ELMOD1: variants seen among roughly 807,000 people sequenced by gnomAD.
The protein encoded by ELMOD1 is ELMO domain containing 1.
A neutral mutation model predicts 46.7 loss-of-function variants in ELMOD1; 21 were observed. That is an observed-to-expected ratio of 0.45 (90% CI 0.32 to 0.65). The LOEUF (loss-of-function observed/expected upper bound fraction) is 0.65. ELMOD1 is among the 30% of genes least tolerant of loss of function. The probability of loss-of-function intolerance (pLI) is 0.04; values close to 1 mark genes in which losing one functional copy is unlikely to be tolerated. For synonymous variants in ELMOD1, 122 were observed against 138.2 expected, an observed-to-expected ratio of 0.88 and a Z score of 0.82; for missense variants, 348 against 407.8, an observed-to-expected ratio of 0.85 and a Z score of 1.26.
At chr11:107,601,050 C>T (rs1865589050) in intron 1 of ELMOD1, among the ~76,000 whole-genome samples, 1 of 152,078 alleles carries the variant, frequency 6.6e-6, no homozygotes, top group Non-Finnish European at 1.5e-5. Context: ...CATTGTATTG[C>T]TACAAGACTT....
intron 1 of ELMOD1, among the ~76,000 whole-genome samples, chr11:107,594,050 A>G (rs1865450409): frequency 6.6e-6 from 1 of 152,144 alleles, no homozygotes; most frequent in Non-Finnish European, 1.5e-5. Context: ...TGCAAAGATG[A>G]CATGGGGAAA....
chr11:107,650,893 C>A lies in ELMOD1; in HGVS notation c.632C>A (p.Thr211Asn). The change falls in exon 9 of 12, where the codon ACT becomes AAT. Residue 211 changes from threonine to asparagine, a missense_variant. Physicochemically the swap from Thr to Asn is moderately conservative, Grantham distance 65 (BLOSUM62 0). Coordinates refer to ENST00000265840, the MANE Select transcript of ELMOD1 (RefSeq NM_018712.4). ...TCTTTGATTACATGAAGGGATATCA[C>A]TAAAGAAGAAATAAGGTATTTTTTC... ...DSLHPKCRDI[T>N]KEEISKFSKA... 9.0e-7 allele frequency: 1 copy of A among 1,116,138 alleles called. No homozygotes were observed. The highest frequency in any genetic ancestry group is 1.2e-6 in the Non-Finnish European group (1 of 820,610). 69.1% of individuals were successfully genotyped at this position (1,116,138 alleles called of 1,614,324 possible). A position where few individuals can be genotyped will look rare whatever the true frequency, so the allele number is the denominator to read the frequency against.
At chr11:107,651,846 A>T (rs1318162378) in intron 9 of ELMOD1, among the ~76,000 whole-genome samples, 1 of 152,174 alleles carries the variant, frequency 6.6e-6, no homozygotes, top group African/African-American at 2.4e-5. Flanking sequence ...TAAGCTCGCA[A>T]TATTTCTGAT....
chr11:107,630,539 G>C lies in ELMOD1; in HGVS notation c.140G>C (p.Gly47Ala). Residue 47 changes from glycine (G) to alanine (A), a missense_variant, in exon 3 of 12, where the codon GGA (glycine) becomes GCA (alanine). Transcript: ENST00000265840. ...LQRICYNTKP[G>A]ASRTMKIETS... ...CGGATCTGTTATAATACCAAGCCGG[G>C]AGCTTCTAGAACCATGAAAATCGGT... 2 of 1,610,518 alleles carry C rather than the reference G, an allele frequency of 1.2e-6. No individual in the cohort carries two copies. Among genetic ancestry groups the C allele is most frequent in the East Asian group, 2.2e-5 (1 of 44,822 alleles).
intron 11 of ELMOD1, 119 bp downstream of exon 11, chr11:107,656,185 C>T (rs1866628441): frequency 7.1e-6 from 8 of 1,120,524 alleles, no homozygotes; most frequent in Admixed American, 2.4e-5. Flanking sequence ...CTCAGGAGTT[C>T]AAGACCAGCT....
At chr11:107,663,213 C>G (rs114723978) in intron 11 of ELMOD1, among the ~76,000 whole-genome samples, 2,076 of 152,220 alleles carry the variant, frequency 0.014, 39 homozygotes, top group African/African-American at 0.041. Flanking sequence ...TGTTCAGGTT[C>G]CCATGACAGT....
At chr11:107,614,118 C>G in intron 1 of ELMOD1, among the ~76,000 whole-genome samples, 1 of 152,190 alleles carries the variant, frequency 6.6e-6, no homozygotes, top group Non-Finnish European at 1.5e-5. Context: ...TTTCCTTTGC[C>G]AACCACTGCC....
rs189224809 is a variant in ELMOD1 at position 107,600,924 on chromosome 11, C to A, written c.-86+9515C>A. 7 of 151,610 alleles carry A rather than the reference C, an allele frequency of 4.6e-5. No homozygotes were observed. In the East Asian group the frequency reaches 1.4e-3, roughly 29 times the overall value. 9.4% of individuals were successfully genotyped at this position (151,610 alleles called of 1,614,324 possible). A position where few individuals can be genotyped will look rare whatever the true frequency, so the allele number is the denominator to read the frequency against. On this transcript the variant is annotated intron_variant, in intron 1 of 11. Transcript: ENST00000265840. ...TGGTTTAAGTCAAGGTTTAAAGGCA[C>A]TGGATCTCAAGACGTGACTGGTGCC...
intron 1 of ELMOD1, among the ~76,000 whole-genome samples, chr11:107,609,730 A>T (rs1865744856): frequency 1.3e-5 from 2 of 152,192 alleles, no homozygotes; most frequent in African/African-American, 4.8e-5. Flanking sequence ...AGAGGCAGAT[A>T]ACCTCATAGC....
At position 107,665,082 on chromosome 11, in the gene ELMOD1, T is replaced by C. The variant is rs1407667220; in HGVS notation, c.890T>C (p.Met297Thr). 1 of 1,613,848 alleles carries C rather than the reference T, an allele frequency of 6.2e-7. No individual in the cohort carries two copies. Among genetic ancestry groups the C allele is most frequent in the Non-Finnish European group, 8.5e-7 (1 of 1,179,868 alleles). ...FWIEEDPMDIMEFNRVREKFR... is the reference protein window; with the variant it reads ...FWIEEDPMDITEFNRVREKFR... Reference sequence around the variant, plus strand: ...ATCGAAGAGGACCCCATGGACATAATGGAATTTAATCGTGTGAGGGAGAAA... The same window carrying C: ...ATCGAAGAGGACCCCATGGACATAACGGAATTTAATCGTGTGAGGGAGAAA... The change falls in exon 12 of 12, where the codon ATG becomes ACG. Residue 297 changes from methionine to threonine, a missense_variant. Met to Thr is a moderately conservative substitution (Grantham distance 81). Transcript: ENST00000265840.
chr11:107,630,043 C>A (rs1866108713), intron 2 of ELMOD1, among the ~76,000 whole-genome samples: 1 of 152,128 alleles, frequency 6.6e-6, no homozygotes, highest in African/African-American at 2.4e-5. Context: ...AAGAGGAGAG[C>A]ATGTTCTTCC....
intron 9 of ELMOD1, among the ~76,000 whole-genome samples, chr11:107,652,569 T>C (rs1205982867): frequency 6.6e-6 from 1 of 152,230 alleles, no homozygotes; most frequent in East Asian, 1.9e-4. Context: ...TTTATAAAGC[T>C]ATGCTGAAGA....
chr11:107,611,605 T>C (rs1310294156), intron 1 of ELMOD1, among the ~76,000 whole-genome samples: 1 of 148,116 alleles, frequency 6.8e-6, no homozygotes, highest in African/African-American at 2.5e-5. Context: ...CTCTGGAGGC[T>C]GAAGCAGGAG....
chr11:107,601,702 C>T (rs373382280), intron 1 of ELMOD1, among the ~76,000 whole-genome samples: 227 of 151,962 alleles, frequency 1.5e-3, no homozygotes, highest in African/African-American at 5.1e-3. Flanking sequence ...AGGTGTGAGC[C>T]ATCAAGCCCA....
chr11:107,632,585 A>G (rs1486190126), intron 5 of ELMOD1, among the ~76,000 whole-genome samples: 1 of 152,192 alleles, frequency 6.6e-6, no homozygotes, highest in Non-Finnish European at 1.5e-5. Flanking sequence ...GCTTCAGTTC[A>G]TTAGCTGCCT....
intron 6 of ELMOD1, among the ~76,000 whole-genome samples, chr11:107,637,210 G>GAA (rs1402430037): frequency 1.3e-5 from 2 of 152,322 alleles, no homozygotes; most frequent in Non-Finnish European, 2.9e-5. Flanking sequence ...GATAGATAAG[G>GAA]AAATGATGGC....
chr11:107,595,631 C>G (rs1205964948), intron 1 of ELMOD1, among the ~76,000 whole-genome samples: 1 of 152,134 alleles, frequency 6.6e-6, no homozygotes, highest in East Asian at 1.9e-4. Flanking sequence ...ATTTTATATT[C>G]TAAGTCCTCA....
At chr11:107,614,497 C>T (rs1865828547) in intron 1 of ELMOD1, among the ~76,000 whole-genome samples, 2 of 152,128 alleles carry the variant, frequency 1.3e-5, no homozygotes, top group African/African-American at 4.8e-5. Flanking sequence ...CACCACCACA[C>T]CCGGCTAATT....
intron 11 of ELMOD1, among the ~76,000 whole-genome samples, chr11:107,658,058 G>A (rs1866665007): frequency 6.6e-6 from 1 of 152,138 alleles, no homozygotes; most frequent in Non-Finnish European, 1.5e-5. Context: ...TATGTGGCTG[G>A]GGTGAGTGAG....
Sources: allele counts gnomAD v4.1 joint callset (sites outside exome capture counted in the v4.1 genomes callset), GRCh38; gene constraint gnomAD v4.1.1; transcripts MANE v1.5; gene names NCBI Gene and HGNC (gene_info 2026-07-23, HGNC 2026-07-21).